RAP1GDS1: variants seen among roughly 807,000 people sequenced by gnomAD.
RAP1GDS1 encodes the protein RAP1, GTP-GDP dissociation stimulator 1.
A neutral mutation model predicts 71.1 loss-of-function variants in RAP1GDS1; 35 were observed. That is an observed-to-expected ratio of 0.49 (90% CI 0.38 to 0.65). RAP1GDS1 has a LOEUF of 0.65. RAP1GDS1 is among the 30% of genes least tolerant of loss of function. The pLI is 0.00. For synonymous variants in RAP1GDS1, 229 were observed against 243.1 expected, an observed-to-expected ratio of 0.94 and a Z score of 0.54; for missense variants, 663 against 706.1, an observed-to-expected ratio of 0.94 and a Z score of 0.69.
intron 1 of RAP1GDS1, among the ~76,000 whole-genome samples, chr4:98,288,489 C>T (rs1726390445): frequency 6.6e-6 from 1 of 152,136 alleles, no homozygotes; most frequent in Non-Finnish European, 1.5e-5. Flanking sequence ...CCGCAGTAAA[C>T]ATACGTGTGC....
chr4:98,282,318 C>T (rs562223455), intron 1 of RAP1GDS1, among the ~76,000 whole-genome samples: 1 of 152,144 alleles, frequency 6.6e-6, no homozygotes, highest in Non-Finnish European at 1.5e-5. Flanking sequence ...AGATTCAGCT[C>T]CTTCCTTGTT....
chr4:98,380,702 G>A (rs900232994), intron 5 of RAP1GDS1, among the ~76,000 whole-genome samples: 2 of 151,830 alleles, frequency 1.3e-5, no homozygotes, highest in South Asian at 2.1e-4. Flanking sequence ...GAAATCATTG[G>A]TCAGATTTTC....
intron 12 of RAP1GDS1, among the ~76,000 whole-genome samples, chr4:98,430,192 A>G (rs1212955523): frequency 6.6e-6 from 1 of 152,084 alleles, no homozygotes; most frequent in Non-Finnish European, 1.5e-5. Flanking sequence ...TTTTAGGAAA[A>G]GGTGGATGGG....
intron 6 of RAP1GDS1, 58 bp downstream of exon 6, chr4:98,392,138 T>C (rs1029359133): frequency 4.1e-6 from 6 of 1,466,110 alleles, no homozygotes; most frequent in African/African-American, 1.4e-5. Flanking sequence ...TTACAATAAA[T>C]TTTTCTGTAG....
intron 12 of RAP1GDS1, among the ~76,000 whole-genome samples, chr4:98,428,799 A>T (rs960191539): frequency 3.3e-5 from 5 of 152,210 alleles, no homozygotes; most frequent in African/African-American, 1.2e-4. Context: ...TTGAAGAACT[A>T]AAAGTAGATT....
chr4:98,406,748 A>C (rs1289707316), intron 7 of RAP1GDS1, among the ~76,000 whole-genome samples: 1 of 152,124 alleles, frequency 6.6e-6, no homozygotes, highest in African/African-American at 2.4e-5. Context: ...ACTTGTCATG[A>C]AAGAAAGAAA....
chr4:98,367,724 CT>C (rs1489769199), intron 4 of RAP1GDS1, among the ~76,000 whole-genome samples: 1 of 152,204 alleles, frequency 6.6e-6, no homozygotes, highest in Non-Finnish European at 1.5e-5. Flanking sequence ...GACTGCCCTG[CT>C]GGATTTCAGA....
chr4:98,360,718 C>T (rs1178978584), intron 4 of RAP1GDS1, among the ~76,000 whole-genome samples: 1 of 152,014 alleles, frequency 6.6e-6, no homozygotes, highest in African/African-American at 2.4e-5. Flanking sequence ...TTCCTTGCTA[C>T]AAGTAGGGTG....
chr4:98,281,764 T>G (rs904444039), intron 1 of RAP1GDS1, among the ~76,000 whole-genome samples: 4 of 152,198 alleles, frequency 2.6e-5, no homozygotes, highest in Admixed American at 1.3e-4. Context: ...ATAGCTCTTA[T>G]TATTTTGAGA....
At chr4:98,326,937 C>T (rs568985588) in intron 2 of RAP1GDS1, among the ~76,000 whole-genome samples, 1 of 152,188 alleles carries the variant, frequency 6.6e-6, no homozygotes, top group Non-Finnish European at 1.5e-5. Context: ...ACAAGCTAGT[C>T]TGATGACAGT....
chr4:98,421,387 A>C lies in RAP1GDS1; in HGVS notation c.1433A>C (p.Lys478Thr). ...CTGTCTGCCCTTATACGACACAGTA[A>C]ATCAAAAGTAAGTTCCAGAGGAAAC... Reference protein sequence around the residue: ...RLLSALIRHSKSKDVIKTIVQ... With the variant: ...RLLSALIRHSTSKDVIKTIVQ... The change falls in exon 12 of 15, where the codon AAA becomes ACA. Residue 478 changes from lysine to threonine, a missense_variant. Lys to Thr is a moderately conservative substitution (Grantham distance 78, BLOSUM62 -1). Transcript: ENST00000408927. The C allele has an allele frequency of 6.3e-7, 1 of 1,591,546 alleles. No homozygotes were observed.
chr4:98,395,051 G>A (rs181915032), intron 6 of RAP1GDS1, among the ~76,000 whole-genome samples: 5 of 152,150 alleles, frequency 3.3e-5, no homozygotes, highest in Non-Finnish European at 7.4e-5. Context: ...GAAAAATACA[G>A]CATTATAGGA....
intron 2 of RAP1GDS1, among the ~76,000 whole-genome samples, chr4:98,319,310 A>C (rs72896316): frequency 0.012 from 1,900 of 152,252 alleles, 42 homozygotes; most frequent in African/African-American, 0.044. Context: ...TGTATGTGTA[A>C]TGGTGATAAT....
intron 3 of RAP1GDS1, among the ~76,000 whole-genome samples, chr4:98,348,897 T>A (rs1437387201): frequency 6.6e-6 from 1 of 152,114 alleles, no homozygotes; most frequent in African/African-American, 2.4e-5. Context: ...ATTGCAGAAA[T>A]TTTCTCCCAT....
In RAP1GDS1 at chr4:98,437,011, A is replaced by G. The variant is rs751482324; in HGVS notation, c.1639A>G (p.Ser547Gly). ...ILHRLLADERSAPEIKYNSMV... is the reference protein window; with the variant it reads ...ILHRLLADERGAPEIKYNSMV... ...ACATAGACTGCTAGCAGATGAGAGA[A>G]GTGCTCCTGAAATCAAATATAATTC... The change falls in exon 14 of 15, where the codon AGT (serine) becomes GGT (glycine). Residue 547 changes from serine (S) to glycine (G), a missense_variant. By Grantham distance (56) the Ser-to-Gly change is moderately conservative. Coordinates refer to ENST00000408927, the MANE Select transcript of RAP1GDS1 (RefSeq NM_001100427.2). 6 of 1,612,742 alleles carry G rather than the reference A, an allele frequency of 3.7e-6. No individual in the cohort carries two copies. Among genetic ancestry groups the G allele is most frequent in the Non-Finnish European group, 5.1e-6 (6 of 1,179,660 alleles).
At chr4:98,398,597 T>C (rs1191995720) in intron 6 of RAP1GDS1, among the ~76,000 whole-genome samples, 1 of 152,120 alleles carries the variant, frequency 6.6e-6, no homozygotes, top group East Asian at 1.9e-4. Flanking sequence ...CCAGATCAAT[T>C]AGGCAAGGAA....
intron 12 of RAP1GDS1, among the ~76,000 whole-genome samples, chr4:98,423,832 C>T (rs1474787251): frequency 6.6e-6 from 1 of 152,128 alleles, no homozygotes; most frequent in Non-Finnish European, 1.5e-5. Flanking sequence ...GCGTGAGCCA[C>T]CACACCCAGC....
At chr4:98,438,933 A>G (rs916222029) in intron 14 of RAP1GDS1, among the ~76,000 whole-genome samples, 3 of 152,102 alleles carry the variant, frequency 2.0e-5, no homozygotes, top group Non-Finnish European at 4.4e-5. Context: ...TATTTCTTCT[A>G]CATATATTTA....
chr4:98,289,531 G>A (rs1314578500), intron 1 of RAP1GDS1, among the ~76,000 whole-genome samples: 38 of 142,684 alleles, frequency 2.7e-4, no homozygotes, highest in Non-Finnish European at 5.1e-4. Context: ...GTTTCTGATC[G>A]GTTTAGGACC....
Sources: gnomAD v4.1 joint callset for allele counts (sites outside exome capture counted in the v4.1 genomes callset) on GRCh38, gnomAD v4.1.1 for gene constraint, MANE v1.5 for transcripts, NCBI Gene and HGNC (gene_info 2026-07-23, HGNC 2026-07-21) for gene names.